MTUS2: variants seen among roughly 807,000 people sequenced by gnomAD.
MTUS2 encodes microtubule associated scaffold protein 2.
A neutral mutation model predicts 114.1 loss-of-function variants in MTUS2; 40 were observed. The ratio of observed to expected loss-of-function variants is 0.35; its 90% CI spans 0.27 to 0.46. MTUS2 has a LOEUF of 0.46. MTUS2 is among the 20% of genes least tolerant of loss of function. The pLI, the probability that MTUS2 is intolerant of heterozygous loss-of-function variation, is 1.00. For missense variants in MTUS2, 1,679 were observed against 1,705.4 expected, an observed-to-expected ratio of 0.98 and a Z score of 0.27; for synonymous variants, 688 against 672.0, an observed-to-expected ratio of 1.02 and a Z score of -0.37.
chr13:29,200,521 G>GTTTTTTTTTT (rs56965083), intron 5 of MTUS2, among the ~76,000 whole-genome samples: 1,455 of 85,274 alleles, frequency 0.017, 165 homozygotes, highest in African/African-American at 0.026. Flanking sequence ...TTCTTTTTCT[G>GTTTTTTTTTT]TTTTTTTTTT....
intron 2 of MTUS2, among the ~76,000 whole-genome samples, chr13:28,993,926 A>G (rs113032709): frequency 3.0e-4 from 46 of 151,282 alleles, no homozygotes; most frequent in African/African-American, 9.7e-4. Flanking sequence ...TTATACTTTA[A>G]GTTTTAGGGT....
intron 8 of MTUS2, among the ~76,000 whole-genome samples, chr13:29,419,091 A>AGT: frequency 6.6e-6 from 1 of 152,328 alleles, no homozygotes; most frequent in South Asian, 2.1e-4. Context: ...CCATACACTT[A>AGT]GTGTCCATCT....
Position 29,026,738 on chromosome 13 carries a change from C to G in MTUS2, c.2040C>G (p.His680Gln), listed in dbSNP as rs201916985. ...APPTCTMPLP[H>Q]EEKAAGGDLK... is the part of the protein sequence containing the mutation. Reference sequence around the variant, plus strand: ...CCACATGTACCATGCCTCTTCCCCACGAAGAGAAGGCAGCAGGTGGTGACC... The same window carrying G: ...CCACATGTACCATGCCTCTTCCCCAGGAAGAGAAGGCAGCAGGTGGTGACC... The change falls in exon 3 of 16, where the codon CAC becomes CAG. Residue 680 changes from histidine (H) to glutamine (Q), a missense_variant. His to Gln is a conservative substitution (Grantham distance 24). Coordinates refer to ENST00000612955, the MANE Select transcript of MTUS2 (RefSeq NM_001033602.4). The G allele has an allele frequency of 6.2e-7, 1 of 1,613,984 alleles. No homozygotes were observed. The highest frequency in any genetic ancestry group is 2.2e-5 in the East Asian group (1 of 44,878).
At chr13:29,478,873 A>G (rs891318444) in intron 9 of MTUS2, among the ~76,000 whole-genome samples, 2 of 152,124 alleles carry the variant, frequency 1.3e-5, no homozygotes, top group Non-Finnish European at 2.9e-5. Flanking sequence ...ATGTTAGGAC[A>G]CACCCTTCAC....
chr13:29,381,828 A>C (rs201537503), intron 8 of MTUS2, among the ~76,000 whole-genome samples: 4 of 150,236 alleles, frequency 2.7e-5, no homozygotes, highest in African/African-American at 7.5e-5. Context: ...GGAAAAATGT[A>C]CAGAACCTCT....
At chr13:29,169,991 T>C (rs1893484939) in intron 5 of MTUS2, among the ~76,000 whole-genome samples, 1 of 152,232 alleles carries the variant, frequency 6.6e-6, no homozygotes, top group Non-Finnish European at 1.5e-5. Flanking sequence ...AATGGTTGTT[T>C]GCTAATGTTG....
At chr13:29,370,410 A>G (rs1871102704) in intron 8 of MTUS2, among the ~76,000 whole-genome samples, 1 of 151,914 alleles carries the variant, frequency 6.6e-6, no homozygotes, top group Admixed American at 6.6e-5. Flanking sequence ...ATAGTGCTCT[A>G]TGATTGCACC....
chr13:28,919,403 C>A (rs1034886460), intron 2 of MTUS2, among the ~76,000 whole-genome samples: 1 of 152,096 alleles, frequency 6.6e-6, no homozygotes, highest in African/African-American at 2.4e-5. Flanking sequence ...GCCACTCTCT[C>A]TCGCCCTGCA....
chr13:29,146,669 C>T (rs927905077), intron 5 of MTUS2, among the ~76,000 whole-genome samples: 6 of 152,110 alleles, frequency 3.9e-5, no homozygotes, highest in African/African-American at 1.4e-4. Context: ...GAAAGGCTAC[C>T]TACTACCTAT....
intron 1 of MTUS2, among the ~76,000 whole-genome samples, chr13:28,827,149 A>G (rs1287805411): frequency 6.6e-6 from 1 of 152,228 alleles, no homozygotes; most frequent in East Asian, 1.9e-4. Flanking sequence ...TAATTTGAGA[A>G]TTGAAATCAT....
At chr13:29,486,064 A>T (rs1310412178) in intron 10 of MTUS2, among the ~76,000 whole-genome samples, 1 of 152,230 alleles carries the variant, frequency 6.6e-6, no homozygotes, top group Non-Finnish European at 1.5e-5. Context: ...AAGGTTTTGG[A>T]CAAAGATTCC....
At chr13:29,251,723 G>T (rs1294662902) in intron 5 of MTUS2, among the ~76,000 whole-genome samples, 1 of 152,148 alleles carries the variant, frequency 6.6e-6, no homozygotes, top group Non-Finnish European at 1.5e-5. Context: ...TCCTGAGCAT[G>T]GTATCTTCAA....
intron 5 of MTUS2, among the ~76,000 whole-genome samples, chr13:29,230,071 C>G (rs542865984): frequency 2.0e-5 from 3 of 152,122 alleles, no homozygotes; most frequent in African/African-American, 7.2e-5. Flanking sequence ...ACAGTGAAAC[C>G]CTGTCTCTAC....
At chr13:29,045,575 A>G (rs1435385748) in intron 4 of MTUS2, among the ~76,000 whole-genome samples, 1 of 152,182 alleles carries the variant, frequency 6.6e-6, no homozygotes, top group Admixed American at 6.5e-5. Context: ...GGGTCTTGCC[A>G]CCACAGGTGG....
chr13:29,164,999 C>G (rs1893255734), intron 5 of MTUS2, among the ~76,000 whole-genome samples: 1 of 151,906 alleles, frequency 6.6e-6, no homozygotes, highest in Non-Finnish European at 1.5e-5. Flanking sequence ...TTCTCTAGAC[C>G]CAGAAAAATG....
At chr13:28,986,514 A>G (rs749447844) in intron 2 of MTUS2, among the ~76,000 whole-genome samples, 13 of 152,192 alleles carry the variant, frequency 8.5e-5, no homozygotes, top group Non-Finnish European at 1.6e-4. Context: ...TTCTCACCAG[A>G]TGCAAAGAAC....
At chr13:28,912,525 C>T (rs1490679579) in intron 2 of MTUS2, among the ~76,000 whole-genome samples, 2 of 151,684 alleles carry the variant, frequency 1.3e-5, no homozygotes, top group Non-Finnish European at 2.9e-5. Flanking sequence ...AATTTTAAAA[C>T]AGTTTTTTTT....
At chr13:28,970,867 C>T (rs575036793) in intron 2 of MTUS2, among the ~76,000 whole-genome samples, 5 of 152,286 alleles carry the variant, frequency 3.3e-5, no homozygotes, top group South Asian at 2.1e-4. Context: ...CCAGAGGAGA[C>T]GCCGCACTCA....
intron 5 of MTUS2, among the ~76,000 whole-genome samples, chr13:29,137,067 AGACTGT>A (rs1032818413): frequency 6.6e-6 from 1 of 152,230 alleles, no homozygotes; most frequent in Admixed American, 6.5e-5. Context: ...TGTGTTGTGT[AGACTGT>A]GAGTGGTTAA....
Sources: allele counts gnomAD v4.1 joint callset (sites outside exome capture counted in the v4.1 genomes callset), GRCh38; gene constraint gnomAD v4.1.1; transcripts MANE v1.5; gene names NCBI Gene and HGNC (gene_info 2026-07-23, HGNC 2026-07-21).